LAMC1: variants seen among roughly 807,000 people sequenced by gnomAD.
The protein encoded by LAMC1 is laminin subunit gamma 1, also known as laminin subunit gamma-1.
A neutral mutation model predicts 173.6 loss-of-function variants in LAMC1; 38 were observed. The observed-to-expected ratio is 0.22, with a 90% CI of 0.17 to 0.29. LAMC1 has a LOEUF of 0.29. Ranked by LOEUF, LAMC1 falls within the 10% of genes least tolerant of loss-of-function variation. LAMC1 has a pLI of 1.00. For synonymous variants in LAMC1, 746 were observed against 749.1 expected (o/e 1.00, Z 0.07); for missense variants, 1,824 against 2,051.8 (o/e 0.89, Z 2.14).
intron 1 of LAMC1, among the ~76,000 whole-genome samples, chr1:183,091,811 G>C (rs750601906): frequency 6.6e-6 from 1 of 152,118 alleles, no homozygotes. Flanking sequence ...AGAATTGCTG[G>C]TGGTCCTGTA....
Position 183,023,574 on chromosome 1 carries a change from G to C in LAMC1, c.-143G>C, listed in dbSNP as rs1053276257. On this transcript the variant is annotated 5_prime_UTR_variant, in exon 1 of 28. Transcript: ENST00000258341. ...GCCCACCCGTCAGTCTCTCCGGCGC[G>C]AGCCGCCGCCACCGCCCGCGCCGGA... The C allele has an allele frequency of 1.4e-5, 7 of 515,278 alleles. No individual in the cohort carries two copies. Among genetic ancestry groups the C allele is most frequent in the Middle Eastern group, 6.9e-4 (1 of 1,444 alleles). The allele number at this position is 515,278 out of a possible 1,614,324, so 31.9% of individuals were successfully genotyped here. A position where few individuals can be genotyped will look rare whatever the true frequency, so the allele number is the denominator to read the frequency against.
chr1:183,064,474 C>T (rs1479598792), intron 1 of LAMC1, among the ~76,000 whole-genome samples: 1 of 152,126 alleles, frequency 6.6e-6, no homozygotes, highest in African/African-American at 2.4e-5. Context: ...CATAACCAAA[C>T]ATAAACACTT....
intron 1 of LAMC1, among the ~76,000 whole-genome samples, chr1:183,050,846 G>A (rs115266026): frequency 0.011 from 1,555 of 145,834 alleles, 13 homozygotes; most frequent in Middle Eastern, 0.059. Flanking sequence ...AGCCAAGATC[G>A]TGCTGTTGCA....
At chr1:183,130,189 G>A (rs1035548248) in intron 18 of LAMC1, among the ~76,000 whole-genome samples, 155 bp from the exon 19 acceptor site, 1 of 152,204 alleles carries the variant, frequency 6.6e-6, no homozygotes, top group Non-Finnish European at 1.5e-5. Flanking sequence ...ACTGGGTGTG[G>A]TAAAGGCTGT....
At chr1:183,126,081 G>A in intron 15 of LAMC1, 39 bp from the exon 16 acceptor site, 1 of 1,585,300 alleles carries the variant, frequency 6.3e-7, no homozygotes, top group Non-Finnish European at 8.5e-7. Flanking sequence ...CTTAAAGTCT[G>A]TTTTTCTTGC....
intron 1 of LAMC1, among the ~76,000 whole-genome samples, chr1:183,070,206 A>G (rs937409421): frequency 6.6e-6 from 1 of 152,204 alleles, no homozygotes; most frequent in Non-Finnish European, 1.5e-5. Flanking sequence ...TTCACTAGTT[A>G]TATTTGCAAA....
chr1:183,067,994 A>G (rs1385448755), intron 1 of LAMC1, among the ~76,000 whole-genome samples: 1 of 152,162 alleles, frequency 6.6e-6, no homozygotes, highest in East Asian at 1.9e-4. Flanking sequence ...AATCTCCCAG[A>G]AAATAAGTGG....
rs1183501841 is a variant in LAMC1, at chr1:183,142,526, C to T, written c.4574-8C>T. On this transcript the variant is annotated splice_polypyrimidine_tract_variant and splice_region_variant and intron_variant, in intron 27 of 27. Transcript: ENST00000258341. Reference sequence around the variant, plus strand: ...CTGTTCTCTTCTATGTACTTTCTGACCCTCCAGGGCAGCTGGATACAGTGG... The same window carrying T: ...CTGTTCTCTTCTATGTACTTTCTGATCCTCCAGGGCAGCTGGATACAGTGG... 1 of 1,600,884 alleles carries T rather than the reference C, an allele frequency of 6.2e-7. No homozygotes were observed. The highest frequency in any genetic ancestry group is 8.5e-7 in the Non-Finnish European group (1 of 1,174,624).
intron 26 of LAMC1, 175 bp downstream of exon 26, chr1:183,138,002 C>A: frequency 1.7e-6 from 1 of 604,808 alleles, no homozygotes; most frequent in Non-Finnish European, 2.5e-6. Flanking sequence ...GGATCTTCTG[C>A]CAGGTAATTT....
At chr1:183,073,936 TA>T (rs920469764) in intron 1 of LAMC1, among the ~76,000 whole-genome samples, 8 of 152,158 alleles carry the variant, frequency 5.3e-5, no homozygotes, top group African/African-American at 1.7e-4. Context: ...TTACATAGAT[TA>T]GAAAACAACC....
intron 1 of LAMC1, among the ~76,000 whole-genome samples, chr1:183,053,920 C>G (rs1458854171): frequency 1.3e-5 from 2 of 152,206 alleles, no homozygotes; most frequent in Admixed American, 1.3e-4. Context: ...GCCACTGCTC[C>G]TGGCCAAAGA....
chr1:183,077,589 T>G (rs1435857705), intron 1 of LAMC1, among the ~76,000 whole-genome samples: 2 of 151,870 alleles, frequency 1.3e-5, no homozygotes, highest in African/African-American at 4.8e-5. Flanking sequence ...CAAAGTCTAT[T>G]GTATCTTTCT....
At chr1:183,107,602 G>A (rs1185057187) in intron 2 of LAMC1, among the ~76,000 whole-genome samples, 3 of 152,112 alleles carry the variant, frequency 2.0e-5, no homozygotes, top group South Asian at 4.1e-4. Flanking sequence ...AGGCCGAGGC[G>A]GGTGTATCAC....
At position 183,108,313 on chromosome 1, in the gene LAMC1, A is replaced by G; in HGVS notation, c.761A>G (p.Asn254Ser). The G allele has an allele frequency of 6.2e-7, 1 of 1,613,672 alleles. No homozygotes were observed. The highest frequency in any genetic ancestry group is 8.5e-7 in the Non-Finnish European group (1 of 1,179,668). Residue 254 changes from asparagine (N) to serine (S), a missense_variant, in exon 3 of 28, where the codon AAT becomes AGT. Physicochemically the swap from Asn to Ser is conservative, Grantham distance 46. Coordinates refer to ENST00000258341, the MANE Select transcript of LAMC1 (RefSeq NM_002293.4). ...GCCACTGACATCAGAGTAACTCTTA[A>G]TCGCCTGAACACTTTTGGAGATGAA... Reference protein sequence around the residue: ...VTATDIRVTLNRLNTFGDEVF... With the variant: ...VTATDIRVTLSRLNTFGDEVF...
chr1:183,136,602 C>T lies in LAMC1; in HGVS notation c.4314+17C>T, dbSNP rs1190415128. On this transcript the variant is annotated intron_variant, in intron 25 of 27. Transcript: ENST00000258341. ...GTCCAAAAGGTGTGCGTTTCCTCTTCTCCAAGAGTCCCTGCCCATATCTTT... is the reference window on the plus strand; with the variant it reads ...GTCCAAAAGGTGTGCGTTTCCTCTTTTCCAAGAGTCCCTGCCCATATCTTT... The T allele has an allele frequency of 3.8e-6, 6 of 1,564,306 alleles. No homozygotes were observed. The highest frequency in any genetic ancestry group is 1.4e-5 in the African/African-American group (1 of 74,022).
rs1653582521 is a variant in LAMC1, at chr1:183,023,438, G to A, written c.-279G>A. ...GGGGCGCGCACTCGGGCACGCGCTC[G>A]GAAGTCGGGGGTCGGCGCGGAGTGC... On this transcript the variant is annotated 5_prime_UTR_variant, in exon 1 of 28. Coordinates refer to ENST00000258341, the MANE Select transcript of LAMC1 (RefSeq NM_002293.4). 2 of 182,794 alleles carry A rather than the reference G, an allele frequency of 1.1e-5. No homozygotes were observed. The allele number at this position is 182,794 out of a possible 1,614,324, so 11.3% of individuals were successfully genotyped here.
intron 25 of LAMC1, among the ~76,000 whole-genome samples, chr1:183,137,025 AT>A (rs1656965265): frequency 6.6e-6 from 1 of 152,178 alleles, no homozygotes; most frequent in African/African-American, 2.4e-5. Context: ...CATAGCTGCC[AT>A]TGCTAGGATT....
At chr1:183,048,925 C>G (rs935651434) in intron 1 of LAMC1, among the ~76,000 whole-genome samples, 1 of 152,152 alleles carries the variant, frequency 6.6e-6, no homozygotes, top group African/African-American at 2.4e-5. Context: ...GATTCTTAGC[C>G]AAGTTGTTAC....
intron 1 of LAMC1, among the ~76,000 whole-genome samples, chr1:183,048,559 C>G (rs1000067068): frequency 2.0e-5 from 3 of 152,130 alleles, no homozygotes; most frequent in African/African-American, 7.2e-5. Flanking sequence ...GTATAGTAAT[C>G]CCTGAGCTAT....
Sources: allele counts gnomAD v4.1 joint callset (sites outside exome capture counted in the v4.1 genomes callset), GRCh38; gene constraint gnomAD v4.1.1; transcripts MANE v1.5; gene names NCBI Gene and HGNC (gene_info 2026-07-23, HGNC 2026-07-21).